KRT10: variants seen among roughly 807,000 people sequenced by gnomAD.
KRT10 encodes the protein keratin, type I cytoskeletal 10.
A neutral mutation model predicts 59.2 loss-of-function variants in KRT10; 40 were observed. The observed-to-expected ratio is 0.68, with a 90% CI of 0.52 to 0.88. The LOEUF (loss-of-function observed/expected upper bound fraction) is 0.88. Among genes scored for constraint, KRT10 ranks in the 40% least tolerant of loss-of-function variants. The pLI is 0.00. For missense variants in KRT10, 719 were observed against 749.1 expected (o/e 0.96, Z 0.47); for synonymous variants, 336 against 310.7 (o/e 1.08, Z -0.86).
In KRT10 at chr17:40,818,801, T is replaced by G. The variant is rs762648481; in HGVS notation, c.1734A>C (p.Ser578=). 1 of 1,524,284 alleles carries G rather than the reference T, an allele frequency of 6.6e-7. No homozygotes were observed. The highest frequency in any genetic ancestry group is 1.1e-5 in the South Asian group (1 of 87,976). 94.4% of individuals were successfully genotyped at this position (1,524,284 alleles called of 1,614,324 possible). The change falls in exon 7 of 8, where the codon TCA becomes TCC. Residue 578 remains serine (S), a synonymous_variant. Transcript: ENST00000269576. ...SSSSGSVGES[S]SKGPRY ...TTTCTGCTGACCTTGGTCCCTTAGA[T>G]GAAGACTCGCCCACGGACCCGGAAG... is the stretch of plus-strand genomic sequence containing the variant.
intron 7 of KRT10, 139 bp downstream of exon 7, chr17:40,818,648 G>A (rs1426699649): frequency 2.8e-6 from 4 of 1,416,548 alleles, no homozygotes; most frequent in Middle Eastern, 2.0e-4. Context: ...CTGGTGTTAA[G>A]AGTAGTTTGT....
At chr17:40,819,927 G>T in intron 5 of KRT10, 122 bp downstream of exon 5, 1 of 1,297,074 alleles carries the variant, frequency 7.7e-7, no homozygotes, top group Non-Finnish European at 1.1e-6. Context: ...ATTAACATGA[G>T]CTTCACTTTG....
At chr17:40,819,762 G>C (rs769997393) in intron 5 of KRT10, 28 bp from the exon 6 acceptor site, 2 of 1,574,634 alleles carry the variant, frequency 1.3e-6, no homozygotes, top group Non-Finnish European at 1.7e-6. Context: ...GTGGCTTAGT[G>C]ACTTCCTTGT....
intron 7 of KRT10, 28 bp from the exon 8 acceptor site, chr17:40,818,510 A>T: frequency 6.8e-7 from 1 of 1,460,628 alleles, no homozygotes; most frequent in Non-Finnish European, 9.6e-7. Context: ...AAAAAATTTT[A>T]AACAGTCTGT....
rs1295246496 is a variant in KRT10, at chr17:40,819,050, G to T, written c.1485C>A (p.Ser495=). ...GGHGGGHGGS[S]GGGYGGGSSG... ...AGCTTCCGCCTCCGTAGCCGCCGCC[G>T]GAACTGCCGCCGTGGCCGCCGCCGT... The change falls in exon 7 of 8, where the codon TCC becomes TCA. Residue 495 remains serine (S), a synonymous_variant. Transcript: ENST00000269576. The T allele has an allele frequency of 1.5e-6, 2 of 1,349,814 alleles. No individual in the cohort carries two copies. The highest frequency in any genetic ancestry group is 3.0e-5 in the South Asian group (2 of 66,718). The allele number at this position is 1,349,814 out of a possible 1,614,324, so 83.6% of individuals were successfully genotyped here. A position where few individuals can be genotyped will look rare whatever the true frequency, so the allele number is the denominator to read the frequency against.
At chr17:40,818,721 A>G in intron 7 of KRT10, 66 bp downstream of exon 7, 1 of 1,598,770 alleles carries the variant, frequency 6.3e-7, no homozygotes, top group South Asian at 1.1e-5. Context: ...CTAGAGCTTA[A>G]AGCGCAAAAA....
At chr17:40,820,706 A>G (rs1361741462) in intron 2 of KRT10, 39 bp from the exon 3 acceptor site, 4 of 1,607,438 alleles carry the variant, frequency 2.5e-6, no homozygotes, top group Admixed American at 3.3e-5. Flanking sequence ...TATAACTTAT[A>G]TAGGGGAGAT....
chr17:40,818,612 C>A, intron 7 of KRT10, 130 bp from the exon 8 acceptor site: 1 of 1,277,508 alleles, frequency 7.8e-7, no homozygotes, highest in Non-Finnish European at 1.1e-6. Context: ...TAAGGTATGA[C>A]ATTTTGATCA....
rs199646609 is a variant in KRT10 at position 40,818,481 on chromosome 17, A to G, written c.1750T>C (p.Tyr584His). Residue 584 changes from tyrosine to histidine, a missense_variant and splice_region_variant, in exon 8 of 8, where the codon TAC becomes CAC. Tyr to His is a moderately conservative substitution (Grantham distance 83, BLOSUM62 2). Around this residue, in one of 4 missense-constraint regions of KRT10, gnomAD observed 315 missense variants for 270.6 expected, o/e 1.16. Coordinates refer to ENST00000269576, the MANE Select transcript of KRT10 (RefSeq NM_000421.5). ...VGESSSKGPRY is the reference protein window; with the variant it reads ...VGESSSKGPRH ...TCTTGATTACTCTGGTTTTGTTAGTATCTGTGTGAATGATGGAAAAAAAAT... is the reference window on the plus strand; with the variant it reads ...TCTTGATTACTCTGGTTTTGTTAGTGTCTGTGTGAATGATGGAAAAAAAAT... 1.8e-5 allele frequency: 28 copies of G among 1,598,428 alleles called. No individual in the cohort carries two copies. In the African/African-American group the frequency reaches 3.5e-4, roughly 20 times the overall value.
At chr17:40,820,732 CTATT>C (rs1905335230) in intron 2 of KRT10, 65 bp from the exon 3 acceptor site, 9 of 1,569,230 alleles carry the variant, frequency 5.7e-6, no homozygotes, top group Non-Finnish European at 7.9e-6. Flanking sequence ...TGGGCAGAGA[CTATT>C]TAAAAAGCAG....
rs1285767312 is a variant in KRT10 at position 40,818,470 on chromosome 17, G to T, written c.*6C>A. On this transcript the variant is annotated 3_prime_UTR_variant, in exon 8 of 8. Transcript: ENST00000269576. Reference sequence around the variant, plus strand: ...TTCAATAATTGTCTTGATTACTCTGGTTTTGTTAGTATCTGTGTGAATGAT... The same window carrying T: ...TTCAATAATTGTCTTGATTACTCTGTTTTTGTTAGTATCTGTGTGAATGAT... 1 of 1,609,978 alleles carries T rather than the reference G, an allele frequency of 6.2e-7. No homozygotes were observed. The highest frequency in any genetic ancestry group is 1.1e-5 in the South Asian group (1 of 90,954).
chr17:40,821,847 G>T, intron 1 of KRT10, 112 bp downstream of exon 1: 1 of 1,149,914 alleles, frequency 8.7e-7, no homozygotes, highest in Non-Finnish European at 1.3e-6. Context: ...TTTGAAGGAA[G>T]AAAGTAACAT....
Position 40,822,294 on chromosome 17 carries a change from A to C in KRT10, c.292T>G (p.Tyr98Asp), listed in dbSNP as rs1905461015. ...SYGSSSFGGS[Y>D]GGIFGGGSFG... ...CTGCCCCCTCCAAAGATGCCTCCAT[A>C]ACTCCCACCAAAGCTGCTACTTCCA... is the stretch of plus-strand genomic sequence containing the variant. The change falls in exon 1 of 8, where the codon TAT becomes GAT. Residue 98 changes from tyrosine (Y) to aspartate (D), a missense_variant. Around this residue, in one of 4 missense-constraint regions of KRT10, gnomAD observed 176 missense variants for 175.7 expected, o/e 1.00. Transcript: ENST00000269576. 1 of 1,589,980 alleles carries C rather than the reference A, an allele frequency of 6.3e-7. No individual in the cohort carries two copies. The highest frequency in any genetic ancestry group is 1.4e-5 in the African/African-American group (1 of 71,674).
chr17:40,819,746 T>A lies in KRT10; in HGVS notation c.1156-12A>T. The A allele has an allele frequency of 1.9e-6, 3 of 1,612,024 alleles. No homozygotes were observed. The highest frequency in any genetic ancestry group is 2.5e-6 in the Non-Finnish European group (3 of 1,178,022). On this transcript the variant is annotated splice_polypyrimidine_tract_variant and intron_variant, in intron 5 of 7. Transcript: ENST00000269576. ...TCCAGGGATTGTTTCTGAAACGGAT[T>A]TTTTTGTGGCTTAGTGACTTCCTTG...
At chr17:40,820,974 A>T in intron 2 of KRT10, 61 bp downstream of exon 2, 1 of 1,306,046 alleles carries the variant, frequency 7.7e-7, no homozygotes, top group Non-Finnish European at 1.1e-6. Context: ...ATCCCAAGTC[A>T]TTGTTAAAAA....
rs1312037751 is a variant in KRT10, at chr17:40,820,634, C to T, written c.744G>A (p.Val248=). ...TACGCAGGCCGTTGATGTCAGCCTC[C>T]ACGCTCTGGCGCAGAGCTACCTCAT... ...YENEVALRQS[V]EADINGLRRV... is the part of the protein sequence containing the mutation. The change falls in exon 3 of 8, where the codon GTG becomes GTA. Residue 248 remains valine, a synonymous_variant. Transcript: ENST00000269576. The T allele has an allele frequency of 6.2e-7, 1 of 1,614,212 alleles. No individual in the cohort carries two copies. Among genetic ancestry groups the T allele is most frequent in the Admixed American group, 1.7e-5 (1 of 60,024 alleles).
chr17:40,819,996 A>G, intron 5 of KRT10, 53 bp downstream of exon 5: 1 of 1,604,306 alleles, frequency 6.2e-7, no homozygotes, highest in Non-Finnish European at 8.5e-7. Context: ...TTCTTAGGTG[A>G]GCATGAAACT....
intron 7 of KRT10, 23 bp downstream of exon 7, chr17:40,818,764 T>A: frequency 6.4e-7 from 1 of 1,572,656 alleles, no homozygotes; most frequent in Non-Finnish European, 8.6e-7. Context: ...TAATTCTGAT[T>A]ACCCCAGCTA....
At chr17:40,818,726 C>T in intron 7 of KRT10, 61 bp downstream of exon 7, 1 of 1,598,698 alleles carries the variant, frequency 6.3e-7, no homozygotes, top group East Asian at 2.2e-5. Flanking sequence ...GCTTAAAGCG[C>T]AAAAAAACCA....
Sources: allele counts gnomAD v4.1 joint callset, GRCh38; gene constraint gnomAD v4.1.1; regional missense constraint gnomAD v4.1.1; transcripts MANE v1.5; gene names NCBI Gene and HGNC (gene_info 2026-07-23, HGNC 2026-07-21).